Variants in ZCWPW2 observed in about 807,000 individuals in gnomAD.
ZCWPW2 encodes zinc finger CW-type PWWP domain protein 2.
A neutral mutation model predicts 46.6 loss-of-function variants in ZCWPW2; 45 were observed. The ratio of observed to expected loss-of-function variants is 0.96; its 90% CI spans 0.76 to 1.24. ZCWPW2 has a LOEUF of 1.24. Among genes scored for constraint, ZCWPW2 ranks in the 50% most tolerant of loss-of-function variants. The pLI, the probability that ZCWPW2 is intolerant of heterozygous loss-of-function variation, is 0.00. For synonymous variants in ZCWPW2, 152 were observed against 137.1 expected, an observed-to-expected ratio of 1.11 and a Z score of -0.76; for missense variants, 429 against 403.9, an observed-to-expected ratio of 1.06 and a Z score of -0.53.
At chr3:28,404,913 A>G (rs909787189) in intron 2 of ZCWPW2, among the ~76,000 whole-genome samples, 1 of 152,166 alleles carries the variant, frequency 6.6e-6, no homozygotes, top group African/African-American at 2.4e-5. Context: ...ACAAAAGACT[A>G]CAAATAGAGT....
chr3:28,448,498 A>C (rs1273432712), intron 4 of ZCWPW2, among the ~76,000 whole-genome samples: 2 of 152,036 alleles, frequency 1.3e-5, no homozygotes, highest in Non-Finnish European at 2.9e-5. Flanking sequence ...TAAGGTGTCA[A>C]TACCGGCCAG....
intron 2 of ZCWPW2, among the ~76,000 whole-genome samples, chr3:28,407,871 T>C (rs1202492382): frequency 6.6e-6 from 1 of 152,178 alleles, no homozygotes. Flanking sequence ...TATATAGGGA[T>C]CCCTTCAAAG....
intron 3 of ZCWPW2, among the ~76,000 whole-genome samples, chr3:28,433,769 AC>A (rs757472908): frequency 8.0e-4 from 77 of 95,982 alleles, no homozygotes; most frequent in South Asian, 7.8e-3. Flanking sequence ...AAAAAAAAAA[AC>A]AAAAAACAAA....
At chr3:28,440,968 C>G (rs887810835) in intron 4 of ZCWPW2, among the ~76,000 whole-genome samples, 2 of 152,194 alleles carry the variant, frequency 1.3e-5, no homozygotes, top group Admixed American at 6.5e-5. Flanking sequence ...TTGGTCTCTG[C>G]TGCTGGCAAA....
intron 3 of ZCWPW2, chr3:28,427,873 C>A (rs1004872191): frequency 6.6e-6 from 1 of 152,120 alleles, no homozygotes. Context: ...TTTTAAATCA[C>A]CAACTATTAA....
intron 1 of ZCWPW2, among the ~76,000 whole-genome samples, chr3:28,378,246 T>C (rs1330533540): frequency 6.6e-6 from 1 of 151,862 alleles, no homozygotes; most frequent in Non-Finnish European, 1.5e-5. Flanking sequence ...ATATACATCA[T>C]AGAGAAGATT....
At chr3:28,404,826 TATGA>T (rs1024380771) in intron 2 of ZCWPW2, among the ~76,000 whole-genome samples, 1 of 152,160 alleles carries the variant, frequency 6.6e-6, no homozygotes, top group East Asian at 1.9e-4. Flanking sequence ...GGAGCTAATC[TATGA>T]GGATGCAAAG....
intron 3 of ZCWPW2, among the ~76,000 whole-genome samples, chr3:28,434,785 CT>C (rs918722403): frequency 1.3e-4 from 20 of 151,802 alleles, no homozygotes; most frequent in African/African-American, 3.9e-4. Flanking sequence ...TTTGAGGAAT[CT>C]TTTTTTTTCT....
chr3:28,388,989 T>G (rs1241717474), intron 1 of ZCWPW2, among the ~76,000 whole-genome samples: 1 of 152,202 alleles, frequency 6.6e-6, no homozygotes, highest in East Asian at 1.9e-4. Context: ...TCAGGATCAA[T>G]CAACTGATCC....
intron 2 of ZCWPW2, among the ~76,000 whole-genome samples, chr3:28,408,215 A>T (rs576693462): frequency 2.2e-4 from 33 of 152,310 alleles, no homozygotes; most frequent in African/African-American, 7.9e-4. Context: ...TGAAAACCTT[A>T]TCTACCATTT....
chr3:28,477,943 T>A (rs1364906087), intron 4 of ZCWPW2, among the ~76,000 whole-genome samples: 1 of 152,144 alleles, frequency 6.6e-6, no homozygotes. Context: ...ATTTAACATT[T>A]ATTTTTGACC....
At chr3:28,516,218 C>T (rs535854135) in intron 8 of ZCWPW2, among the ~76,000 whole-genome samples, 8 of 150,676 alleles carry the variant, frequency 5.3e-5, no homozygotes, top group East Asian at 3.9e-4. Flanking sequence ...CCAGCCTGGG[C>T]GACAGAACAA....
At chr3:28,360,575 G>A (rs1222464101) in intron 1 of ZCWPW2, among the ~76,000 whole-genome samples, 1 of 147,144 alleles carries the variant, frequency 6.8e-6, no homozygotes, top group African/African-American at 2.5e-5. Flanking sequence ...AGCCTCATAA[G>A]AAATGAAGTA....
chr3:28,457,122 A>G (rs770556765), intron 4 of ZCWPW2, among the ~76,000 whole-genome samples: 2 of 152,172 alleles, frequency 1.3e-5, no homozygotes, highest in Non-Finnish European at 2.9e-5. Flanking sequence ...GGTCCGGTCC[A>G]TGAATTAGGT....
At chr3:28,474,837 G>GT (rs532455107) in intron 4 of ZCWPW2, among the ~76,000 whole-genome samples, 4 of 115,224 alleles carry the variant, frequency 3.5e-5, no homozygotes, top group South Asian at 2.7e-4. Context: ...TGTTGTTGTT[G>GT]TTGTTTGTTT....
intron 1 of ZCWPW2, among the ~76,000 whole-genome samples, chr3:28,352,456 TCTCA>T (rs761970623): frequency 3.3e-5 from 5 of 152,222 alleles, no homozygotes; most frequent in Non-Finnish European, 5.9e-5. Context: ...GTTGTCCCTC[TCTCA>T]CTGACAAATA....
chr3:28,459,141 C>A (rs186648587), intron 4 of ZCWPW2, among the ~76,000 whole-genome samples: 1 of 152,010 alleles, frequency 6.6e-6, no homozygotes, highest in African/African-American at 2.4e-5. Context: ...GAGGCCATGG[C>A]GGGTGGATCA....
intron 1 of ZCWPW2, among the ~76,000 whole-genome samples, chr3:28,387,017 C>T (rs1003610547): frequency 3.9e-5 from 6 of 152,280 alleles, no homozygotes; most frequent in Non-Finnish European, 2.9e-5. Context: ...AGTAGACTAC[C>T]GAAGGTCCTG....
intron 1 of ZCWPW2, among the ~76,000 whole-genome samples, chr3:28,378,924 A>G (rs1342334129): frequency 3.3e-5 from 5 of 152,124 alleles, no homozygotes; most frequent in Non-Finnish European, 7.4e-5. Context: ...GAGATTGCTG[A>G]GGCATATAAT....
Sources: gnomAD v4.1 joint callset for allele counts (sites outside exome capture counted in the v4.1 genomes callset) on GRCh38, gnomAD v4.1.1 for gene constraint, MANE v1.5 for transcripts, NCBI Gene and HGNC (gene_info 2026-07-23, HGNC 2026-07-21) for gene names.